The following CDH4 variants were observed in gnomAD, a reference collection of about 807,000 sequenced individuals.
CDH4 encodes cadherin 4, also known as cadherin-4.
Under a neutral mutation model 86.0 loss-of-function variants are expected in CDH4, and 33 were observed. The ratio of observed to expected loss-of-function variants is 0.38; its 90% CI spans 0.29 to 0.51. CDH4 has a LOEUF of 0.51. Ranked by LOEUF, CDH4 falls within the 20% of genes least tolerant of loss-of-function variation. The pLI is 0.86. For synonymous variants in CDH4, 555 were observed against 549.4 expected (o/e 1.01, Z -0.14); for missense variants, 1,114 against 1,307.4 (o/e 0.85, Z 2.28).
At chr20:61,389,267 G>T (rs1039465522) in intron 2 of CDH4, among the ~76,000 whole-genome samples, 1 of 152,174 alleles carries the variant, frequency 6.6e-6, no homozygotes, top group African/African-American at 2.4e-5. Flanking sequence ...TGGCTTTTCC[G>T]CCTTGACCAT....
intron 7 of CDH4, among the ~76,000 whole-genome samples, chr20:61,877,218 A>G (rs1984068184): frequency 6.6e-6 from 1 of 152,052 alleles, no homozygotes; most frequent in Admixed American, 6.5e-5. Context: ...TAGCAGTCCC[A>G]GCCACCCAGA....
chr20:61,418,645 T>C (rs775265538), intron 2 of CDH4, among the ~76,000 whole-genome samples: 1 of 152,170 alleles, frequency 6.6e-6, no homozygotes, highest in Non-Finnish European at 1.5e-5. Context: ...GGAGTTAGTG[T>C]CCTGGAGGGT....
intron 4 of CDH4, among the ~76,000 whole-genome samples, chr20:61,808,903 C>T (rs1190054599): frequency 6.6e-6 from 1 of 152,154 alleles, no homozygotes; most frequent in Admixed American, 6.5e-5. Context: ...CTTATGGAGT[C>T]ATTGTTTAAC....
chr20:61,602,229 G>T (rs969559242), intron 2 of CDH4, among the ~76,000 whole-genome samples: 2 of 152,178 alleles, frequency 1.3e-5, no homozygotes, highest in African/African-American at 2.4e-5. Flanking sequence ...ACACCCCAAA[G>T]CACACATTTT....
chr20:61,423,278 G>A (rs1327713157), intron 2 of CDH4, among the ~76,000 whole-genome samples: 2 of 152,204 alleles, frequency 1.3e-5, no homozygotes, highest in Non-Finnish European at 2.9e-5. Flanking sequence ...TGGTGAGCCC[G>A]CAGGGCAGGC....
intron 2 of CDH4, among the ~76,000 whole-genome samples, chr20:61,357,611 C>T (rs762704544): frequency 6.6e-6 from 1 of 152,254 alleles, no homozygotes; most frequent in Non-Finnish European, 1.5e-5. Context: ...CACCAGGCAG[C>T]CCATGACCTG....
intron 2 of CDH4, among the ~76,000 whole-genome samples, chr20:61,439,861 C>T (rs1178031633): frequency 1.3e-5 from 2 of 152,190 alleles, no homozygotes; most frequent in East Asian, 1.9e-4. Context: ...CTCTTTGTAT[C>T]GCCCTAGTTA....
At chr20:61,483,367 C>T (rs971650276) in intron 2 of CDH4, among the ~76,000 whole-genome samples, 5 of 152,180 alleles carry the variant, frequency 3.3e-5, no homozygotes, top group African/African-American at 1.2e-4. Context: ...ATAACCCAAG[C>T]TCAAAACCAT....
intron 2 of CDH4, among the ~76,000 whole-genome samples, chr20:61,593,599 C>T (rs1282581325): frequency 6.6e-6 from 1 of 152,172 alleles, no homozygotes; most frequent in Non-Finnish European, 1.5e-5. Flanking sequence ...GAATGAGAGT[C>T]ACTCAGTTTG....
At chr20:61,839,435 GTT>G (rs559618790) in intron 4 of CDH4, among the ~76,000 whole-genome samples, 2 of 151,608 alleles carry the variant, frequency 1.3e-5, no homozygotes, top group South Asian at 4.2e-4. Context: ...TGATGTGTGT[GTT>G]TGTGTATTGA....
chr20:61,781,809 C>T (rs771651392), intron 4 of CDH4, among the ~76,000 whole-genome samples: 6 of 152,160 alleles, frequency 3.9e-5, no homozygotes, highest in Non-Finnish European at 8.8e-5. Context: ...CGCCGTTCAC[C>T]GATCATAGTC....
At chr20:61,413,177 G>A (rs113092510) in intron 2 of CDH4, among the ~76,000 whole-genome samples, 2,843 of 147,590 alleles carry the variant, frequency 0.019, 86 homozygotes, top group African/African-American at 0.066. Context: ...CTCCCCATTC[G>A]CAGAGCTTCC....
intron 2 of CDH4, among the ~76,000 whole-genome samples, chr20:61,339,566 C>CT (rs976139564): frequency 6.6e-6 from 1 of 151,966 alleles, no homozygotes; most frequent in South Asian, 2.1e-4. Flanking sequence ...ATCGTACATA[C>CT]TTTTTTTTAC....
intron 8 of CDH4, among the ~76,000 whole-genome samples, chr20:61,897,563 C>A (rs577726690): frequency 6.6e-4 from 101 of 152,284 alleles, no homozygotes; most frequent in Middle Eastern, 6.8e-3. Flanking sequence ...ACCAGCCACC[C>A]CCACTGACCA....
chr20:61,259,443 G>A (rs1437028113), intron 2 of CDH4, among the ~76,000 whole-genome samples: 1 of 152,184 alleles, frequency 6.6e-6, no homozygotes, highest in Non-Finnish European at 1.5e-5. Flanking sequence ...CATAGCCGAT[G>A]TCCAGCACCG....
At chr20:61,693,042 G>A (rs2087676655) in intron 2 of CDH4, among the ~76,000 whole-genome samples, 1 of 152,042 alleles carries the variant, frequency 6.6e-6, no homozygotes, top group African/African-American at 2.4e-5. Context: ...ATGCCAGCTG[G>A]GTCTCGAATG....
intron 13 of CDH4, among the ~76,000 whole-genome samples, chr20:61,930,055 C>T (rs186082817): frequency 7.9e-5 from 12 of 152,322 alleles, no homozygotes; most frequent in South Asian, 2.1e-4. Flanking sequence ...AGGTGCAGGC[C>T]GGCCCAGGTG....
intron 3 of CDH4, among the ~76,000 whole-genome samples, chr20:61,771,889 C>T (rs896846250): frequency 1.3e-5 from 2 of 152,144 alleles, no homozygotes; most frequent in African/African-American, 4.8e-5. Flanking sequence ...TTTGGTCCAC[C>T]TAGAGTTTCC....
chr20:61,397,134 T>G (rs2085022111), intron 2 of CDH4, among the ~76,000 whole-genome samples: 1 of 152,188 alleles, frequency 6.6e-6, no homozygotes, highest in Admixed American at 6.5e-5. Context: ...GGTCTCAAAT[T>G]GCTGAGCTTG....
Sources: allele counts gnomAD v4.1 joint callset (sites outside exome capture counted in the v4.1 genomes callset), GRCh38; gene constraint gnomAD v4.1.1; transcripts MANE v1.5; gene names NCBI Gene and HGNC (gene_info 2026-07-23, HGNC 2026-07-21).